The following GRID1 variants were observed in gnomAD, a reference collection of about 807,000 sequenced individuals.
The protein encoded by GRID1 is glutamate receptor ionotropic, delta-1.
A neutral mutation model predicts 98.0 loss-of-function variants in GRID1; 28 were observed. The observed-to-expected ratio is 0.29, with a 90% CI of 0.21 to 0.39. GRID1 has a LOEUF of 0.39. Among genes scored for constraint, GRID1 ranks in the 10% least tolerant of loss-of-function variants. The probability of loss-of-function intolerance (pLI) is 1.00; values close to 1 mark genes in which losing one functional copy is unlikely to be tolerated. For missense variants in GRID1, 1,111 were observed against 1,340.5 expected (o/e 0.83, Z 2.67); for synonymous variants, 553 against 538.5 (o/e 1.03, Z -0.37).
intron 13 of GRID1, among the ~76,000 whole-genome samples, chr10:85,632,759 T>C (rs1842990051): frequency 1.3e-5 from 2 of 152,192 alleles, no homozygotes; most frequent in Non-Finnish European, 2.9e-5. Context: ...GGGATACATG[T>C]GCAAGATGTG....
intron 4 of GRID1, among the ~76,000 whole-genome samples, chr10:85,990,300 A>G (rs1842664552): frequency 6.6e-6 from 1 of 152,210 alleles, no homozygotes; most frequent in Admixed American, 6.5e-5. Flanking sequence ...GACACCAGTA[A>G]GCCAGTAAAT....
At chr10:86,045,130 A>G (rs1336653102) in intron 4 of GRID1, among the ~76,000 whole-genome samples, 1 of 152,166 alleles carries the variant, frequency 6.6e-6, no homozygotes, top group Non-Finnish European at 1.5e-5. Flanking sequence ...ATTTGTATTA[A>G]CTCATTCAAT....
At chr10:86,146,449 T>C (rs12358799) in intron 3 of GRID1, among the ~76,000 whole-genome samples, 4,410 of 152,270 alleles carry the variant, frequency 0.029, 81 homozygotes, top group Middle Eastern at 0.088. Context: ...AATGTCACCA[T>C]AGTTGTTGCA....
At chr10:85,659,865 A>C (rs541599001) in intron 12 of GRID1, among the ~76,000 whole-genome samples, 7 of 152,256 alleles carry the variant, frequency 4.6e-5, no homozygotes, top group African/African-American at 1.4e-4. Flanking sequence ...CACCTTATGG[A>C]TAAGGAAATT....
chr10:85,713,751 T>C (rs1366491597), intron 12 of GRID1, among the ~76,000 whole-genome samples: 1 of 151,232 alleles, frequency 6.6e-6, no homozygotes, highest in African/African-American at 2.4e-5. Context: ...GGGAAACAAA[T>C]TATATATTCA....
At chr10:85,705,097 G>A (rs935116171) in intron 12 of GRID1, among the ~76,000 whole-genome samples, 9 of 152,164 alleles carry the variant, frequency 5.9e-5, no homozygotes, top group Non-Finnish European at 1.2e-4. Flanking sequence ...AAAGCTAACA[G>A]AAGGCAAGAA....
At chr10:86,030,714 A>C (rs1843174793) in intron 4 of GRID1, among the ~76,000 whole-genome samples, 1 of 152,224 alleles carries the variant, frequency 6.6e-6, no homozygotes, top group African/African-American at 2.4e-5. Context: ...AGAAGAAATC[A>C]TTTAGGCAGA....
chr10:86,165,777 G>T (rs1230265159), intron 3 of GRID1, among the ~76,000 whole-genome samples: 3 of 152,108 alleles, frequency 2.0e-5, no homozygotes, highest in Non-Finnish European at 2.9e-5. Flanking sequence ...GCTCAGGGGA[G>T]GAAACCAAGG....
chr10:85,974,191 T>C (rs891866220), intron 4 of GRID1, among the ~76,000 whole-genome samples: 1 of 152,190 alleles, frequency 6.6e-6, no homozygotes, highest in Non-Finnish European at 1.5e-5. Context: ...CCAGATCCAG[T>C]ATCAATTGTG....
chr10:85,630,898 A>C (rs540532176), intron 13 of GRID1, among the ~76,000 whole-genome samples: 2 of 152,290 alleles, frequency 1.3e-5, no homozygotes, highest in South Asian at 4.1e-4. Flanking sequence ...TCTTCTCTTG[A>C]ACACAGGTTT....
At chr10:86,295,420 G>A (rs937025072) in intron 2 of GRID1, among the ~76,000 whole-genome samples, 5 of 152,182 alleles carry the variant, frequency 3.3e-5, no homozygotes, top group Admixed American at 2.0e-4. Flanking sequence ...CAGTGAGCCC[G>A]AGCGTTGTCC....
chr10:86,344,765 TCTC>T (rs1472315800), intron 2 of GRID1, among the ~76,000 whole-genome samples: 1 of 152,140 alleles, frequency 6.6e-6, no homozygotes, highest in Non-Finnish European at 1.5e-5. Context: ...CTCAGCCACC[TCTC>T]CTCCTGTTGC....
At position 85,678,363 on chromosome 10, in the gene GRID1, C is replaced by T. The variant is rs190673299; in HGVS notation, c.1998-30966G>A. Among the ~76,000 whole-genome samples, 26 of 152,304 alleles carry T rather than the reference C, an allele frequency of 1.7e-4. No individual in the cohort carries two copies. The East Asian group carries it at 3.5e-3, about 20-fold the overall frequency. The stretch of plus-strand genomic sequence containing the variant: ...CATAATTCCCTAATCTCTCCTCCAC[C>T]GGCCTCTTTCAAAGACACATTCAAA... On this transcript the variant is annotated intron_variant, in intron 12 of 15. Transcript: ENST00000327946.
intron 2 of GRID1, among the ~76,000 whole-genome samples, chr10:86,294,423 G>A (rs535784550): frequency 1.3e-5 from 2 of 152,332 alleles, no homozygotes; most frequent in South Asian, 4.1e-4. Context: ...GTGGGACAGG[G>A]CGGAGGCAGG....
intron 8 of GRID1, among the ~76,000 whole-genome samples, chr10:85,773,131 A>C (rs969475158): frequency 3.3e-5 from 5 of 152,256 alleles, no homozygotes; most frequent in African/African-American, 1.2e-4. Context: ...CACCATGATC[A>C]AGTGGGCTTC....
At chr10:86,356,919 C>A (rs1848540827) in intron 2 of GRID1, among the ~76,000 whole-genome samples, 1 of 152,190 alleles carries the variant, frequency 6.6e-6, no homozygotes, top group African/African-American at 2.4e-5. Flanking sequence ...AAGACAGCTG[C>A]TATGAGGACA....
chr10:85,856,723 A>T (rs1221390464), intron 6 of GRID1, among the ~76,000 whole-genome samples: 1 of 152,238 alleles, frequency 6.6e-6, no homozygotes, highest in Admixed American at 6.5e-5. Flanking sequence ...GCCATAGACA[A>T]TATATAAACA....
chr10:85,715,994 C>T lies in GRID1; in HGVS notation c.1997+7009G>A, dbSNP rs1334746569. 5.3e-5 allele frequency among the ~76,000 whole-genome samples: 8 copies of T among 151,998 alleles called. No homozygotes were observed. The East Asian group carries it at 9.7e-4, about 18-fold the overall frequency. On this transcript the variant is annotated intron_variant, in intron 12 of 15. Coordinates refer to ENST00000327946, the MANE Select transcript of GRID1 (RefSeq NM_017551.3). Reference sequence around the variant, plus strand: ...TGATCTCGGCTCACTGCAACCTCCACCTCTCAGGTTCAAGTGATTCTCCTG... The same window carrying T: ...TGATCTCGGCTCACTGCAACCTCCATCTCTCAGGTTCAAGTGATTCTCCTG...
intron 12 of GRID1, among the ~76,000 whole-genome samples, chr10:85,715,978 C>A (rs1590202105): frequency 6.6e-6 from 1 of 151,806 alleles, no homozygotes; most frequent in South Asian, 2.1e-4. Context: ...ATGATCTCGG[C>A]TCACTGCAAC....
Sources: gnomAD v4.1 joint callset for allele counts (sites outside exome capture counted in the v4.1 genomes callset) on GRCh38, gnomAD v4.1.1 for gene constraint, MANE v1.5 for transcripts, NCBI Gene and HGNC (gene_info 2026-07-23, HGNC 2026-07-21) for gene names.